Variants in ARSG observed in about 807,000 individuals in gnomAD.
The protein encoded by ARSG is ASG.
A neutral mutation model predicts 50.5 loss-of-function variants in ARSG; 37 were observed. The ratio of observed to expected loss-of-function variants is 0.73; its 90% CI spans 0.56 to 0.96. The LOEUF (loss-of-function observed/expected upper bound fraction) is 0.96, where lower values mean the gene tolerates loss of function less well. ARSG is among the 50% of genes least tolerant of loss of function. ARSG has a pLI of 0.00. For synonymous variants in ARSG, 225 were observed against 254.6 expected, an observed-to-expected ratio of 0.88 and a Z score of 1.11; for missense variants, 629 against 675.3, an observed-to-expected ratio of 0.93 and a Z score of 0.76.
intron 11 of ARSG, among the ~76,000 whole-genome samples, chr17:68,406,629 A>G (rs185895042): frequency 3.3e-5 from 5 of 152,346 alleles, no homozygotes; most frequent in Admixed American, 3.3e-4. Context: ...TTCTCTGATC[A>G]TTAGTGACAT....
intron 2 of ARSG, among the ~76,000 whole-genome samples, chr17:68,342,548 C>T (rs1308176542): frequency 2.0e-5 from 3 of 151,512 alleles, no homozygotes; most frequent in Non-Finnish European, 2.9e-5. Flanking sequence ...TTGGTAGAGA[C>T]AGGGTTTCAC....
rs573680158 is a variant in ARSG at position 68,381,505 on chromosome 17, T to G, written c.983-3559T>G. 2.6e-5 allele frequency among the ~76,000 whole-genome samples: 4 copies of G among 151,318 alleles called. No homozygotes were observed. The highest frequency in any genetic ancestry group is 1.3e-4 in the Admixed American group (2 of 15,080). On this transcript the variant is annotated intron_variant, in intron 8 of 11. Coordinates refer to ENST00000621439, the MANE Select transcript of ARSG (RefSeq NM_001267727.2). This position sits in a 1 kb window ranked among gnomAD's most constrained non-coding sequence, Gnocchi z 4.1. Reference sequence around the variant, plus strand: ...TGGAGGCTTATCTAAATGAATAGTGTTTGAAATTGAAAAGTGATTAGAAGT... The same window carrying G: ...TGGAGGCTTATCTAAATGAATAGTGGTTGAAATTGAAAAGTGATTAGAAGT...
intron 6 of ARSG, among the ~76,000 whole-genome samples, chr17:68,366,972 C>G (rs1206431969): frequency 6.6e-6 from 1 of 152,174 alleles, no homozygotes; most frequent in African/African-American, 2.4e-5. Flanking sequence ...GTACCTCACA[C>G]AAGTGGAATC....
intron 6 of ARSG, among the ~76,000 whole-genome samples, chr17:68,357,659 C>G (rs2079093184): frequency 1.3e-5 from 2 of 152,190 alleles, no homozygotes; most frequent in Admixed American, 6.5e-5. Flanking sequence ...ATTCCCGCAT[C>G]TAGAAGGCAC....
chr17:68,319,218 G>C (rs904322011), intron 2 of ARSG, among the ~76,000 whole-genome samples: 1 of 152,162 alleles, frequency 6.6e-6, no homozygotes, highest in African/African-American at 2.4e-5. Context: ...CAGATTCAGG[G>C]TTGGGAGGAC....
rs1266198450 is a variant in ARSG at position 68,399,693 on chromosome 17, A to G, written c.1213-1667A>G. 6.6e-6 allele frequency among the ~76,000 whole-genome samples: 1 copy of G among 152,250 alleles called. No homozygotes were observed. Among genetic ancestry groups the G allele is most frequent in the Non-Finnish European group, 1.5e-5 (1 of 68,052 alleles). ...TTTGGAAGTTGCCTCTGGTAACGCC[A>G]CATAAATAGTGGGAATATAGCAGCC... On this transcript the variant is annotated intron_variant, in intron 10 of 11. Transcript: ENST00000621439. The surrounding 1 kb of genome is among the most constrained non-coding windows in gnomAD (Gnocchi z 4.6).
At chr17:68,268,881 G>C (rs1555747363) in intron 1 of ARSG, 1 of 957,932 alleles carries the variant, frequency 1.0e-6, no homozygotes, top group Non-Finnish European at 1.5e-6. Context: ...GTTGTTTTTT[G>C]TTTTGGCTTT....
At chr17:68,314,451 G>A (rs975710087) in intron 2 of ARSG, among the ~76,000 whole-genome samples, 1 of 151,358 alleles carries the variant, frequency 6.6e-6, no homozygotes, top group African/African-American at 2.4e-5. Flanking sequence ...ATTTGAACCC[G>A]GGAGGCGGAA....
chr17:68,367,387 T>G lies in ARSG; in HGVS notation c.705-1161T>G, dbSNP rs1229842681. ...AGCTAAGGAGAACCCTGGGGCCAAC[T>G]GAATCTCTGCGTGAACTAGTATGAA... On this transcript the variant is annotated intron_variant, in intron 6 of 11. Coordinates refer to ENST00000621439, the MANE Select transcript of ARSG (RefSeq NM_001267727.2). This position sits in a 1 kb window ranked among gnomAD's most constrained non-coding sequence, Gnocchi z 4.5. Among the ~76,000 whole-genome samples the G allele has an allele frequency of 6.6e-6, 1 of 152,150 alleles. No homozygotes were observed. Among genetic ancestry groups the G allele is most frequent in the African/African-American group, 2.4e-5 (1 of 41,430 alleles).
intron 10 of ARSG, among the ~76,000 whole-genome samples, chr17:68,395,813 G>A (rs1431977424): frequency 6.6e-6 from 1 of 152,128 alleles, no homozygotes; most frequent in Non-Finnish European, 1.5e-5. Context: ...AAGAATCTGA[G>A]CTGTTGAGTT....
chr17:68,424,192 G>C (rs1011836753), downstream of ARSG, among the ~76,000 whole-genome samples: 16 of 152,186 alleles, frequency 1.1e-4, no homozygotes, highest in Admixed American at 8.5e-4. Context: ...GTATTTTTAA[G>C]AACAACTGCT....
At chr17:68,391,493 T>G (rs764001819) in intron 9 of ARSG, among the ~76,000 whole-genome samples, 1 of 152,080 alleles carries the variant, frequency 6.6e-6, no homozygotes, top group Non-Finnish European at 1.5e-5. Context: ...GCTCTATAAT[T>G]GGGATGCTAA....
chr17:68,317,453 A>ATGAACTGTTT (rs1218181131), intron 2 of ARSG, among the ~76,000 whole-genome samples: 1 of 151,572 alleles, frequency 6.6e-6, no homozygotes, highest in Non-Finnish European at 1.5e-5. Context: ...AAAAATAATG[A>ATGAACTGTTT]TGAACTGTTT....
chr17:68,334,378 G>A (rs1426851218), intron 2 of ARSG, among the ~76,000 whole-genome samples: 1 of 152,102 alleles, frequency 6.6e-6, no homozygotes, highest in African/African-American at 2.4e-5. Flanking sequence ...GGACAGTGGC[G>A]TCACCCAATC....
At chr17:68,333,676 A>AATAAT (rs2077889565) in intron 2 of ARSG, among the ~76,000 whole-genome samples, 1 of 145,896 alleles carries the variant, frequency 6.9e-6, no homozygotes, top group African/African-American at 2.6e-5. Context: ...ATAATAATAA[A>AATAAT]AGAGTAATAA....
chr17:68,278,751 C>T (rs957645120), intron 1 of ARSG, among the ~76,000 whole-genome samples: 1 of 151,552 alleles, frequency 6.6e-6, no homozygotes, highest in African/African-American at 2.4e-5. Flanking sequence ...TCCCGAGTAG[C>T]TGGGATTACA....
intron 1 of ARSG, among the ~76,000 whole-genome samples, chr17:68,301,339 GATAATAA>G (rs2076408347): frequency 6.6e-6 from 1 of 152,204 alleles, no homozygotes; most frequent in African/African-American, 2.4e-5. Flanking sequence ...ATTACATGTA[GATAATAA>G]ATAACCCTTT....
intron 11 of ARSG, among the ~76,000 whole-genome samples, chr17:68,407,100 A>T (rs1600124900): frequency 6.6e-6 from 1 of 152,296 alleles, no homozygotes; most frequent in East Asian, 1.9e-4. Flanking sequence ...CTAGCCAATT[A>T]TCCCAGCACC....
intron 6 of ARSG, 61 bp downstream of exon 6, chr17:68,356,865 A>G: frequency 6.2e-7 from 1 of 1,606,600 alleles, no homozygotes; most frequent in Non-Finnish European, 8.5e-7. Context: ...GTGCACACAC[A>G]CCATGTCCCT....
Sources: allele counts gnomAD v4.1 joint callset (sites outside exome capture counted in the v4.1 genomes callset), GRCh38; gene constraint gnomAD v4.1.1; non-coding constraint Gnocchi (gnomAD v3.1); transcripts MANE v1.5; gene names NCBI Gene and HGNC (gene_info 2026-07-23, HGNC 2026-07-21).